The following SUGCT variants were observed in gnomAD, a reference collection of about 807,000 sequenced individuals.
SUGCT encodes succinyl-CoA:glutarate-CoA transferase.
A neutral mutation model predicts 55.0 loss-of-function variants in SUGCT; 41 were observed. That is an observed-to-expected ratio of 0.74 (90% CI 0.58 to 0.97). The LOEUF (loss-of-function observed/expected upper bound fraction) is 0.97. SUGCT is among the 50% of genes least tolerant of loss of function. The probability of loss-of-function intolerance (pLI) is 0.00; values close to 1 mark genes in which losing one functional copy is unlikely to be tolerated. For missense variants in SUGCT, 568 were observed against 547.8 expected, an observed-to-expected ratio of 1.04 and a Z score of -0.37; for synonymous variants, 187 against 200.4, an observed-to-expected ratio of 0.93 and a Z score of 0.56.
intron 12 of SUGCT, among the ~76,000 whole-genome samples, chr7:40,632,331 T>C (rs967269015): frequency 3.9e-5 from 6 of 151,968 alleles, no homozygotes; most frequent in African/African-American, 1.5e-4. Flanking sequence ...TGGCATGTGG[T>C]GTATAACTAG....
At chr7:41,000,851 A>G in the SUGCT span, among the ~76,000 whole-genome samples, 1 of 152,208 alleles carries the variant, frequency 6.6e-6, no homozygotes, top group African/African-American at 2.4e-5. Context: ...CATATTTTTA[A>G]GGTTAAGGAA....
chr7:40,226,275 C>A (rs138728018), intron 6 of SUGCT, among the ~76,000 whole-genome samples: 1 of 152,126 alleles, frequency 6.6e-6, no homozygotes, highest in African/African-American at 2.4e-5. Context: ...CTGTGTGAAT[C>A]TACATTATTA....
intron 9 of SUGCT, among the ~76,000 whole-genome samples, chr7:40,359,978 C>T (rs1384544419): frequency 6.6e-6 from 1 of 152,122 alleles, no homozygotes; most frequent in East Asian, 1.9e-4. Context: ...CCTTTTATTA[C>T]CCACTGCATA....
intron 13 of SUGCT, among the ~76,000 whole-genome samples, chr7:40,805,519 G>C (rs1791045490): frequency 6.6e-6 from 1 of 152,186 alleles, no homozygotes; most frequent in African/African-American, 2.4e-5. Context: ...CTCTAAAAGA[G>C]ATGAACTCAC....
chr7:41,009,366 G>T, the SUGCT span, among the ~76,000 whole-genome samples: 1 of 152,144 alleles, frequency 6.6e-6, no homozygotes, highest in Non-Finnish European at 1.5e-5. Context: ...AAAAATTAGA[G>T]GAAGGAGACT....
chr7:40,543,272 A>T (rs1451496366), intron 12 of SUGCT, among the ~76,000 whole-genome samples: 1 of 152,250 alleles, frequency 6.6e-6, no homozygotes, highest in Non-Finnish European at 1.5e-5. Context: ...TAACATTTAA[A>T]TTAATATTCT....
rs143876042 is a variant in SUGCT, at chr7:40,351,037, T to C, written c.816+34182T>C. ...CATATTTTCTTTATCCTGTCTATCA[T>C]TGATGGGCATTTGGGTTGGTTCTTA... On this transcript the variant is annotated intron_variant, in intron 9 of 13. Coordinates refer to ENST00000335693, the MANE Select transcript of SUGCT (RefSeq NM_001193313.2). Among the ~76,000 whole-genome samples the C allele has an allele frequency of 7.2e-4, 109 of 152,304 alleles. 1 individual carries two copies. Among genetic ancestry groups the C allele is most frequent in the Admixed American group, 4.7e-3 (72 of 15,294 alleles).
At chr7:40,250,538 A>T (rs1790298441) in intron 7 of SUGCT, among the ~76,000 whole-genome samples, 1 of 152,130 alleles carries the variant, frequency 6.6e-6, no homozygotes, top group Non-Finnish European at 1.5e-5. Context: ...ATAGTTGGTA[A>T]GCATCAATGT....
At chr7:40,628,340 C>A (rs1799622334) in intron 12 of SUGCT, among the ~76,000 whole-genome samples, 1 of 152,212 alleles carries the variant, frequency 6.6e-6, no homozygotes, top group South Asian at 2.1e-4. Context: ...TCATTTAGCA[C>A]CAGTCCAGTG....
chr7:40,151,436 A>G (rs919608701), intron 1 of SUGCT, among the ~76,000 whole-genome samples: 1 of 152,186 alleles, frequency 6.6e-6, no homozygotes, highest in African/African-American at 2.4e-5. Flanking sequence ...TTAGATGAAG[A>G]TTGTATTCAC....
chr7:40,836,560 C>T (rs976266417), intron 13 of SUGCT, among the ~76,000 whole-genome samples: 4 of 152,168 alleles, frequency 2.6e-5, no homozygotes, highest in Admixed American at 2.0e-4. Flanking sequence ...TAGAACGATT[C>T]CATCACAAGG....
chr7:40,270,028 C>T (rs192131397), intron 7 of SUGCT, among the ~76,000 whole-genome samples: 22 of 150,388 alleles, frequency 1.5e-4, no homozygotes, highest in Admixed American at 4.0e-4. Context: ...CCCAGCTACA[C>T]GGGAGGCTGA....
At chr7:41,003,879 T>A in the SUGCT span, among the ~76,000 whole-genome samples, 2 of 152,232 alleles carry the variant, frequency 1.3e-5, no homozygotes, top group Non-Finnish European at 2.9e-5. Flanking sequence ...GGAGCAGTGA[T>A]ATAATGCGAT....
rs1051408489 is a variant in SUGCT at position 40,808,679 on chromosome 7, C to G, written c.1154-51637C>G. ...TGATCTTTAAGAGGCAATAAGTTGC[C>G]CCATTCCCTGCTTTTATACAAAAAT... is the stretch of plus-strand genomic sequence containing the variant. On this transcript the variant is annotated intron_variant, in intron 13 of 13. Coordinates refer to ENST00000335693, the MANE Select transcript of SUGCT (RefSeq NM_001193313.2). 2.0e-5 allele frequency among the ~76,000 whole-genome samples: 3 copies of G among 152,142 alleles called. No individual in the cohort carries two copies. The East Asian group carries it at 5.8e-4, about 29-fold the overall frequency.
chr7:40,250,482 A>G (rs1397458307), intron 7 of SUGCT, among the ~76,000 whole-genome samples: 2 of 151,946 alleles, frequency 1.3e-5, no homozygotes, highest in Non-Finnish European at 2.9e-5. Context: ...TGGGGAAGAA[A>G]GTCACAAATT....
intron 12 of SUGCT, among the ~76,000 whole-genome samples, chr7:40,747,506 G>A (rs1787793812): frequency 6.6e-6 from 1 of 152,132 alleles, no homozygotes; most frequent in Non-Finnish European, 1.5e-5. Flanking sequence ...AGGTAGATAT[G>A]CAAATCTTGC....
intron 7 of SUGCT, among the ~76,000 whole-genome samples, chr7:40,259,812 C>A (rs1382690266): frequency 6.6e-6 from 1 of 152,020 alleles, no homozygotes; most frequent in Non-Finnish European, 1.5e-5. Flanking sequence ...ATTTCTTGAC[C>A]TTATTAGATC....
chr7:40,809,608 G>A (rs1791298065), intron 13 of SUGCT, among the ~76,000 whole-genome samples: 1 of 152,092 alleles, frequency 6.6e-6, no homozygotes, highest in African/African-American at 2.4e-5. Flanking sequence ...AACAGCTCAT[G>A]AAGATAGTAG....
rs1784604497 is a variant in SUGCT at position 40,377,170 on chromosome 7, C to CT, written c.816+60318dup. ...TCTTTCTTTCTTTCTTTCTTTCTTT[C>CT]TTTCTTTCTTTCTTTCTTTCTTTCT... On this transcript the variant is annotated intron_variant, in intron 9 of 13. Coordinates refer to ENST00000335693, the MANE Select transcript of SUGCT (RefSeq NM_001193313.2). Among the ~76,000 whole-genome samples, 2 of 15,756 alleles carry CT rather than the reference C, an allele frequency of 1.3e-4. 1 individual carries two copies. The highest frequency in any genetic ancestry group is 6.2e-4 in the Non-Finnish European group (2 of 3,224). The allele number at this position is 15,756 out of a possible 152,430, so 10.3% of individuals were successfully genotyped here.
Sources: gnomAD v4.1 joint callset for allele counts (sites outside exome capture counted in the v4.1 genomes callset) on GRCh38, gnomAD v4.1.1 for gene constraint, MANE v1.5 for transcripts, NCBI Gene and HGNC (gene_info 2026-07-23, HGNC 2026-07-21) for gene names.